The following CLSTN2 variants were observed in gnomAD, a reference collection of about 807,000 sequenced individuals.
CLSTN2 encodes the protein calsyntenin 2.
CLSTN2 carries 48 observed loss-of-function variants against 101.2 expected under a neutral mutation model. The observed-to-expected ratio is 0.47, with a 90% CI of 0.38 to 0.60. The LOEUF is 0.60. Among genes scored for constraint, CLSTN2 ranks in the 20% least tolerant of loss-of-function variants. The probability of loss-of-function intolerance (pLI) is 0.00; values close to 1 mark genes in which losing one functional copy is unlikely to be tolerated. For synonymous variants in CLSTN2, 481 were observed against 463.6 expected (o/e 1.04, Z -0.48); for missense variants, 1,160 against 1,238.2 (o/e 0.94, Z 0.95).
intron 8 of CLSTN2, among the ~76,000 whole-genome samples, chr3:140,500,977 A>T (rs1011210321): frequency 2.0e-5 from 3 of 152,158 alleles, no homozygotes; most frequent in African/African-American, 7.2e-5. Context: ...AATCATTATG[A>T]TTGAGTACCA....
At chr3:140,497,534 GCTCCTTCGT>G (rs1934493261) in intron 8 of CLSTN2, among the ~76,000 whole-genome samples, 1 of 152,190 alleles carries the variant, frequency 6.6e-6, no homozygotes, top group Non-Finnish European at 1.5e-5. Flanking sequence ...CACCTCAGGA[GCTCCTTCGT>G]CTCAGGCATT....
At chr3:140,311,312 T>TG (rs2087165545) in intron 2 of CLSTN2, among the ~76,000 whole-genome samples, 1 of 69,758 alleles carries the variant, frequency 1.4e-5, no homozygotes, top group East Asian at 2.5e-4. Context: ...TTTTTTTTTT[T>TG]TTTTTTTTTT....
chr3:140,470,780 G>C (rs12637306), intron 8 of CLSTN2, among the ~76,000 whole-genome samples: 12,217 of 152,220 alleles, frequency 0.08, 642 homozygotes, highest in East Asian at 0.12. Context: ...TAACTCATGC[G>C]GGGCCATTGA....
At chr3:139,946,783 C>A (rs1935221806) in intron 1 of CLSTN2, among the ~76,000 whole-genome samples, 1 of 152,202 alleles carries the variant, frequency 6.6e-6, no homozygotes, top group Non-Finnish European at 1.5e-5. Flanking sequence ...TAGTGTGTCA[C>A]TAGGAGTGCC....
intron 1 of CLSTN2, among the ~76,000 whole-genome samples, chr3:140,076,633 T>TTTTTTTG (rs2008496734): frequency 7.2e-6 from 1 of 139,222 alleles, no homozygotes; most frequent in Non-Finnish European, 1.5e-5. Context: ...GTGTTTTTTT[T>TTTTTTTG]TTTTTTTTTT....
At chr3:140,158,125 A>G (rs1412419496) in intron 1 of CLSTN2, among the ~76,000 whole-genome samples, 1 of 152,200 alleles carries the variant, frequency 6.6e-6, no homozygotes, top group African/African-American at 2.4e-5. Flanking sequence ...AGCTGGGAGC[A>G]TTCCCCTTGA....
intron 2 of CLSTN2, among the ~76,000 whole-genome samples, chr3:140,256,934 A>T (rs979350290): frequency 4.6e-5 from 7 of 152,196 alleles, no homozygotes; most frequent in African/African-American, 1.7e-4. Context: ...TGCTAACTCT[A>T]TGCTGGGAAG....
At chr3:140,400,203 A>G (rs2088224846) in intron 2 of CLSTN2, among the ~76,000 whole-genome samples, 1 of 152,182 alleles carries the variant, frequency 6.6e-6, no homozygotes, top group African/African-American at 2.4e-5. Context: ...TCAGTTGAAG[A>G]CATAACATGA....
At chr3:140,459,032 G>C (rs957400393) in intron 6 of CLSTN2, among the ~76,000 whole-genome samples, 3 of 152,162 alleles carry the variant, frequency 2.0e-5, no homozygotes, top group African/African-American at 7.2e-5. Flanking sequence ...TCACAGCCCT[G>C]ATCACATTTT....
At chr3:139,976,844 G>A (rs1246075356) in intron 1 of CLSTN2, among the ~76,000 whole-genome samples, 2 of 152,152 alleles carry the variant, frequency 1.3e-5, no homozygotes, top group Non-Finnish European at 2.9e-5. Context: ...GTGCATGCAT[G>A]TGCACACATG....
At chr3:140,556,460 AC>A in intron 10 of CLSTN2, 52 bp from the exon 11 acceptor site, 1 of 1,597,078 alleles carries the variant, frequency 6.3e-7, no homozygotes, top group South Asian at 1.1e-5. Flanking sequence ...CTCCCATAAA[AC>A]CATGTACATC....
intron 2 of CLSTN2, among the ~76,000 whole-genome samples, chr3:140,352,094 T>G (rs1381331846): frequency 6.6e-6 from 1 of 152,204 alleles, no homozygotes; most frequent in East Asian, 1.9e-4. Flanking sequence ...TCCTAAACCT[T>G]GGTTTTTCTG....
chr3:140,498,961 T>G (rs1052130689), intron 8 of CLSTN2, among the ~76,000 whole-genome samples: 6 of 106,350 alleles, frequency 5.6e-5, no homozygotes, highest in African/African-American at 3.6e-4. Context: ...CACTTGAATG[T>G]TTTTTTTTTT....
At chr3:140,283,279 C>A in intron 2 of CLSTN2, among the ~76,000 whole-genome samples, 1 of 152,150 alleles carries the variant, frequency 6.6e-6, no homozygotes, top group Non-Finnish European at 1.5e-5. Flanking sequence ...AGGTATTAAT[C>A]AGATGAAATT....
chr3:140,208,424 A>C (rs1380953695), intron 2 of CLSTN2, among the ~76,000 whole-genome samples: 1 of 152,218 alleles, frequency 6.6e-6, no homozygotes, highest in African/African-American at 2.4e-5. Context: ...AGATCTTTTA[A>C]TCTTACAGTT....
At chr3:140,076,830 C>A (rs554013192) in intron 1 of CLSTN2, among the ~76,000 whole-genome samples, 4 of 151,988 alleles carry the variant, frequency 2.6e-5, no homozygotes, top group Non-Finnish European at 5.9e-5. Context: ...CTACCTTGAC[C>A]AAGGATGCCA....
intron 2 of CLSTN2, among the ~76,000 whole-genome samples, chr3:140,211,084 G>C (rs1305744485): frequency 6.6e-6 from 1 of 152,060 alleles, no homozygotes; most frequent in Non-Finnish European, 1.5e-5. Flanking sequence ...TAGACAGACA[G>C]AGCCTAGCTC....
intron 2 of CLSTN2, among the ~76,000 whole-genome samples, chr3:140,383,663 A>G (rs1031880481): frequency 6.6e-5 from 10 of 152,192 alleles, no homozygotes; most frequent in African/African-American, 2.2e-4. Flanking sequence ...GGCCTTCTAC[A>G]AATATCCACT....
At chr3:140,053,121 C>G (rs1471128739) in intron 1 of CLSTN2, among the ~76,000 whole-genome samples, 1 of 152,126 alleles carries the variant, frequency 6.6e-6, no homozygotes, top group Non-Finnish European at 1.5e-5. Flanking sequence ...GGACATGAAG[C>G]CTGAACACAA....
Sources: gnomAD v4.1 joint callset for allele counts (sites outside exome capture counted in the v4.1 genomes callset) on GRCh38, gnomAD v4.1.1 for gene constraint, MANE v1.5 for transcripts, NCBI Gene and HGNC (gene_info 2026-07-23, HGNC 2026-07-21) for gene names.